The following PCYT1B variants were observed in gnomAD, a reference collection of about 807,000 sequenced individuals.
The protein encoded by PCYT1B is phosphate cytidylyltransferase 1B, choline.
A neutral mutation model predicts 26.4 loss-of-function variants in PCYT1B; 10 were observed. The observed-to-expected ratio is 0.38, with a 90% confidence interval of 0.23 to 0.64. The LOEUF is 0.64. Among genes scored for constraint, PCYT1B ranks in the 30% least tolerant of loss-of-function variants. The pLI is 0.56. For missense variants in PCYT1B, 161 were observed against 292.7 expected, an observed-to-expected ratio of 0.55 and a Z score of 3.28; for synonymous variants, 131 against 108.4, an observed-to-expected ratio of 1.21 and a Z score of -1.29.
At chrX:24,628,138 A>G (rs1925938905) in intron 1 of PCYT1B, among the ~76,000 whole-genome samples, 1 of 111,958 alleles carries the variant, frequency 8.9e-6, no homozygotes, top group Non-Finnish European at 1.9e-5. Context: ...AGTATGTGAT[A>G]TATAAAGCCA....
At chrX:24,591,664 C>A (rs1924571803) in intron 3 of PCYT1B, among the ~76,000 whole-genome samples, 1 of 111,153 alleles carries the variant, frequency 9.0e-6, no homozygotes, top group South Asian at 3.9e-4. Flanking sequence ...TGCAAGTGAT[C>A]CACCGGTCTC....
At chrX:24,593,419 TCTTTCTTTCTTTC>T (rs1229745298) in intron 3 of PCYT1B, among the ~76,000 whole-genome samples, 1 of 92,347 alleles carries the variant, frequency 1.1e-5, no homozygotes, top group African/African-American at 4.7e-5. Flanking sequence ...TTTCTTTCTC[TCTTTCTTTCTTTC>T]CTTTCTTTCT....
rs56367400 is a variant in PCYT1B at position 24,559,317 on chromosome X, C to CAAAAAAAAA, written c.*2967_*2975dup. The CAAAAAAAAA allele has an allele frequency of 1.6e-5, 1 of 62,579 alleles. No individual in the cohort carries two copies. Among genetic ancestry groups the CAAAAAAAAA allele is most frequent in the Non-Finnish European group, 3.0e-5 (1 of 33,690 alleles). 5.2% of individuals were successfully genotyped at this position (62,579 alleles called of 1,213,427 possible). On this transcript the variant is annotated 3_prime_UTR_variant, in exon 8 of 8. Transcript: ENST00000379144. ...GAGCAACAAGAGCAAAACTCCATCT[C>CAAAAAAAAA]AAAAAAAAAAAAAAAGAAAGAAAGA...
chrX:24,670,342 G>A (rs1338538598), intron 1 of PCYT1B, among the ~76,000 whole-genome samples: 4 of 112,134 alleles, frequency 3.6e-5, no homozygotes, highest in Non-Finnish European at 7.5e-5. Context: ...AGATTATTAA[G>A]TTCATGATTA....
At chrX:24,661,819 A>G (rs1017461275) in intron 1 of PCYT1B, among the ~76,000 whole-genome samples, 2 of 112,166 alleles carry the variant, frequency 1.8e-5, no homozygotes, top group African/African-American at 6.5e-5. Context: ...TAGAAATTTG[A>G]ACAATTTCTG....
chrX:24,649,164 C>T (rs1926714032), upstream of PCYT1B, among the ~76,000 whole-genome samples: 2 of 111,693 alleles, frequency 1.8e-5, no homozygotes, highest in African/African-American at 6.5e-5. Context: ...CTTCCAGCAG[C>T]AGGTTTAACT....
intron 1 of PCYT1B, among the ~76,000 whole-genome samples, chrX:24,666,760 A>C (rs1427018117): frequency 9.0e-6 from 1 of 111,404 alleles, no homozygotes; most frequent in Admixed American, 9.7e-5. Context: ...CCTCATTGTG[A>C]GAATGGGGCA....
intron 1 of PCYT1B, among the ~76,000 whole-genome samples, chrX:24,645,391 T>C (rs182923811): frequency 8.2e-5 from 9 of 109,697 alleles, no homozygotes; most frequent in African/African-American, 2.0e-4. Flanking sequence ...TATATATATA[T>C]ACACACATAT....
intron 3 of PCYT1B, among the ~76,000 whole-genome samples, chrX:24,596,334 G>A (rs754797293): frequency 9.5e-4 from 106 of 111,682 alleles, no homozygotes; most frequent in African/African-American, 3.4e-3. Context: ...GCTCATGCCT[G>A]TAATCCCAGC....
At chrX:24,672,447 C>T in intron 1 of PCYT1B, 3 of 466,761 alleles carry the variant, frequency 6.4e-6, no homozygotes, top group Admixed American at 4.2e-5. Context: ...ATAATGTTTC[C>T]ATTTTTAGTG....
At chrX:24,608,911 A>G (rs768492139) in intron 2 of PCYT1B, among the ~76,000 whole-genome samples, 9 of 111,956 alleles carry the variant, frequency 8.0e-5, no homozygotes, top group African/African-American at 9.7e-5. Context: ...TGCCTCCTAC[A>G]TTTATATAGA....
At position 24,654,103 on chromosome X, in the gene PCYT1B, T is replaced by TC. The variant is rs201644183; in HGVS notation, c.63+18466_63+18467insG. The stretch of plus-strand genomic sequence containing the variant: ...CGTTTCTTTTCTTTCTTTCTTTCTT[T>TC]TTTTTTTTTTTTTTTTTGAGATGGA... On this transcript the variant is annotated intron_variant, in intron 1 of 7. Transcript: ENST00000379145. 2.4e-3 allele frequency among the ~76,000 whole-genome samples: 168 copies of TC among 69,852 alleles called. 3 individuals are homozygous for TC. The highest frequency in any genetic ancestry group is 8.6e-3 in the African/African-American group (162 of 18,947). The allele number at this position is 69,852 out of a possible 115,157, so 60.7% of individuals were successfully genotyped here. A position where few individuals can be genotyped will look rare whatever the true frequency, so the allele number is the denominator to read the frequency against.
chrX:24,576,120 T>C (rs111488160), intron 6 of PCYT1B, among the ~76,000 whole-genome samples: 12 of 112,282 alleles, frequency 1.1e-4, no homozygotes, highest in African/African-American at 2.6e-4. Flanking sequence ...AAATGCTCAG[T>C]GTATGTTGGC....
intron 1 of PCYT1B, among the ~76,000 whole-genome samples, chrX:24,664,375 T>C (rs1354122279): frequency 8.9e-6 from 1 of 112,039 alleles, no homozygotes; most frequent in African/African-American, 3.2e-5. Context: ...TTACTCTAGC[T>C]CTGTGGCCCT....
chrX:24,577,835 C>T (rs770964156), intron 6 of PCYT1B, among the ~76,000 whole-genome samples: 38 of 111,719 alleles, frequency 3.4e-4, no homozygotes, highest in Non-Finnish European at 1.9e-4. Flanking sequence ...TCAAAGATAT[C>T]GGCACCTCAC....
At chrX:24,642,786 T>TA (rs1316296410) in intron 1 of PCYT1B, among the ~76,000 whole-genome samples, 2 of 112,012 alleles carry the variant, frequency 1.8e-5, no homozygotes, top group Non-Finnish European at 3.8e-5. Flanking sequence ...TCTGGGTGGC[T>TA]AAGTAGATGG....
chrX:24,608,429 G>A (rs946533990), intron 2 of PCYT1B, among the ~76,000 whole-genome samples: 1 of 111,737 alleles, frequency 8.9e-6, no homozygotes, highest in Admixed American at 9.6e-5. Flanking sequence ...TCCCGCTAGA[G>A]GACCAGCTGT....
At chrX:24,633,137 G>A (rs1463119780) in intron 1 of PCYT1B, among the ~76,000 whole-genome samples, 1 of 103,179 alleles carries the variant, frequency 9.7e-6, no homozygotes, top group Non-Finnish European at 2.0e-5. Flanking sequence ...TTGAACCTGG[G>A]AGGCGGAGTT....
At chrX:24,581,509 G>A (rs1924205430) in intron 5 of PCYT1B, among the ~76,000 whole-genome samples, 1 of 112,196 alleles carries the variant, frequency 8.9e-6, no homozygotes, top group Non-Finnish European at 1.9e-5. Context: ...CTGGGCTTCA[G>A]CTTTAGTGTC....
Sources: allele counts gnomAD v4.1 joint callset (sites outside exome capture counted in the v4.1 genomes callset), GRCh38; gene constraint gnomAD v4.1.1; transcripts MANE v1.5; gene names NCBI Gene and HGNC (gene_info 2026-07-23, HGNC 2026-07-21).